PRRC2C: variants seen among roughly 807,000 people sequenced by gnomAD.
The protein encoded by PRRC2C is proline rich coiled-coil 2C.
In PRRC2C, 72 loss-of-function variants were observed where a neutral mutation model predicts 317.2. The observed-to-expected ratio is 0.23, with a 90% CI of 0.19 to 0.28. PRRC2C has a LOEUF of 0.28. Ranked by LOEUF, PRRC2C falls within the 10% of genes least tolerant of loss-of-function variation. PRRC2C has a pLI of 1.00. For missense variants in PRRC2C, 3,074 were observed against 3,459.7 expected (o/e 0.89, Z 2.80); for synonymous variants, 1,296 against 1,205.9 (o/e 1.07, Z -1.55).
intron 5 of PRRC2C, among the ~76,000 whole-genome samples, 191 bp downstream of exon 5, chr1:171,516,050 T>C (rs1672293276): frequency 1.3e-5 from 2 of 152,218 alleles, no homozygotes; most frequent in Admixed American, 6.5e-5. Flanking sequence ...ATGTTAGAAA[T>C]GTGTCATCTT....
chr1:171,520,811 T>C (rs1029631602), intron 6 of PRRC2C, among the ~76,000 whole-genome samples: 3 of 148,956 alleles, frequency 2.0e-5, no homozygotes, highest in Middle Eastern at 3.5e-3. Context: ...TTTTTTTTTT[T>C]TTTTTTTTAA....
intron 1 of PRRC2C, among the ~76,000 whole-genome samples, chr1:171,500,423 C>T (rs1381173797): frequency 6.6e-6 from 1 of 151,978 alleles, no homozygotes; most frequent in East Asian, 1.9e-4. Flanking sequence ...TTTTTAGAGA[C>T]AATCTTGCTG....
At chr1:171,488,473 G>T (rs555407905) in intron 1 of PRRC2C, among the ~76,000 whole-genome samples, 1 of 152,124 alleles carries the variant, frequency 6.6e-6, no homozygotes, top group Non-Finnish European at 1.5e-5. Flanking sequence ...GGATAAAAGC[G>T]TTCTATAGAG....
In PRRC2C at chr1:171,557,225, C is replaced by T. The variant is rs558389573; in HGVS notation, c.5128-15C>T. The T allele has an allele frequency of 3.2e-5, 49 of 1,526,822 alleles. 1 individual carries two copies. The highest frequency in any genetic ancestry group is 1.7e-4 in the Middle Eastern group (1 of 5,836). 94.6% of individuals were successfully genotyped at this position (1,526,822 alleles called of 1,614,324 possible). On this transcript the variant is annotated splice_polypyrimidine_tract_variant and intron_variant, in intron 18 of 34. Transcript: ENST00000647382. The stretch of plus-strand genomic sequence containing the variant: ...CTGCATTATTGACAAAAATGGTCCC[C>T]GTTAATTTTTTAAGGTCTGGAACAA...
At chr1:171,507,215 A>G (rs1479098168) in intron 1 of PRRC2C, among the ~76,000 whole-genome samples, 1 of 152,180 alleles carries the variant, frequency 6.6e-6, no homozygotes, top group Non-Finnish European at 1.5e-5. Flanking sequence ...ACTCCATCTC[A>G]TTTATTTAAC....
chr1:171,535,931 C>A, intron 13 of PRRC2C, 98 bp from the exon 14 acceptor site: 1 of 1,426,650 alleles, frequency 7.0e-7, no homozygotes, highest in South Asian at 1.3e-5. Flanking sequence ...ACTTTTCCTT[C>A]AAGGATTCAA....
intron 16 of PRRC2C, among the ~76,000 whole-genome samples, chr1:171,543,322 CAA>C (rs1214982713): frequency 1.1e-4 from 7 of 62,988 alleles, no homozygotes; most frequent in Admixed American, 1.8e-4. Context: ...GACTCCGTCT[CAA>C]AAAAAAAAAA....
chr1:171,561,222 G>A, intron 20 of PRRC2C, 119 bp downstream of exon 20: 1 of 988,526 alleles, frequency 1.0e-6, no homozygotes, highest in Non-Finnish European at 1.6e-6. Flanking sequence ...TTGAGTCCGG[G>A]AGTTTGAGAC....
intron 6 of PRRC2C, 145 bp from the exon 7 acceptor site, chr1:171,522,025 GAACAGAT>G: frequency 2.9e-6 from 1 of 340,004 alleles, no homozygotes; most frequent in Non-Finnish European, 5.3e-6. Flanking sequence ...TATTGAGGAT[GAACAGAT>G]AACAGTCATT....
At chr1:171,530,919 A>G (rs1675731071) in intron 11 of PRRC2C, among the ~76,000 whole-genome samples, 4 of 152,212 alleles carry the variant, frequency 2.6e-5, no homozygotes, top group Admixed American at 2.0e-4. Context: ...AGGAAAACAT[A>G]CATTTACACA....
intron 9 of PRRC2C, among the ~76,000 whole-genome samples, chr1:171,524,557 A>G (rs1027845055): frequency 8.5e-5 from 13 of 152,322 alleles, no homozygotes; most frequent in Non-Finnish European, 1.9e-4. Flanking sequence ...TGTAGAGGAG[A>G]TAGGAAATGA....
intron 1 of PRRC2C, among the ~76,000 whole-genome samples, chr1:171,492,867 T>C (rs1208616300): frequency 6.6e-6 from 1 of 151,880 alleles, no homozygotes; most frequent in East Asian, 1.9e-4. Context: ...TTCTTCTGCC[T>C]CAGCAGCCCG....
intron 24 of PRRC2C, among the ~76,000 whole-genome samples, chr1:171,572,223 C>T (rs1241507520): frequency 6.6e-6 from 1 of 151,940 alleles, no homozygotes; most frequent in African/African-American, 2.4e-5. Context: ...CTCTGGGCTC[C>T]AGCGATCCAC....
intron 1 of PRRC2C, chr1:171,511,566 G>T (rs1398263483): frequency 6.6e-6 from 1 of 152,202 alleles, no homozygotes; most frequent in African/African-American, 2.4e-5. Flanking sequence ...CGTTGTTTCT[G>T]TTCTAAACTG....
chr1:171,559,837 A>G (rs1682307989), intron 19 of PRRC2C, among the ~76,000 whole-genome samples: 1 of 152,072 alleles, frequency 6.6e-6, no homozygotes, highest in Non-Finnish European at 1.5e-5. Flanking sequence ...TATTATTTTT[A>G]AGCCCACTGT....
chr1:171,524,851 C>G lies in PRRC2C; in HGVS notation c.1086C>G (p.Asn362Lys). Reference sequence around the variant, plus strand: ...ATCAAGGTTCAAAAGCCTCTGAAAACAACGAAAACAAAAAAGAAACAGATG... The same window carrying G: ...ATCAAGGTTCAAAAGCCTCTGAAAAGAACGAAAACAAAAAAGAAACAGATG... ...SEDQGSKASE[N>K]NENKKETDEV... is the part of the protein sequence containing the mutation. Residue 362 changes from asparagine to lysine, a missense_variant, in exon 10 of 35, where the codon AAC becomes AAG. By Grantham distance (94) the Asn-to-Lys change is moderately conservative. Transcript: ENST00000647382. The G allele has an allele frequency of 2.5e-6, 4 of 1,583,304 alleles. No individual in the cohort carries two copies. Among genetic ancestry groups the G allele is most frequent in the Non-Finnish European group, 3.4e-6 (4 of 1,163,304 alleles).
intron 11 of PRRC2C, among the ~76,000 whole-genome samples, chr1:171,531,457 T>C (rs543647837): frequency 1.3e-5 from 2 of 152,350 alleles, no homozygotes; most frequent in Admixed American, 1.3e-4. Context: ...ATGGCACTAT[T>C]AGTAAATGGT....
chr1:171,499,118 C>T (rs1668632820), intron 1 of PRRC2C, among the ~76,000 whole-genome samples: 1 of 152,188 alleles, frequency 6.6e-6, no homozygotes, highest in African/African-American at 2.4e-5. Flanking sequence ...CCCTACTAAG[C>T]TTTCAGTGCT....
At chr1:171,518,328 G>A (rs966837731) in intron 6 of PRRC2C, among the ~76,000 whole-genome samples, 2 of 151,964 alleles carry the variant, frequency 1.3e-5, no homozygotes, top group African/African-American at 4.8e-5. Flanking sequence ...TTTACATTAT[G>A]CATTTAAAAT....
Sources: allele counts gnomAD v4.1 joint callset (sites outside exome capture counted in the v4.1 genomes callset), GRCh38; gene constraint gnomAD v4.1.1; transcripts MANE v1.5; gene names NCBI Gene and HGNC (gene_info 2026-07-23, HGNC 2026-07-21).